OTOG: variants seen among roughly 807,000 people sequenced by gnomAD.
OTOG encodes the protein otogelin.
Under a neutral mutation model 313.8 loss-of-function variants are expected in OTOG, and 296 were observed. The ratio of observed to expected loss-of-function variants is 0.94; its 90% CI spans 0.86 to 1.04. The LOEUF is 1.04. OTOG is among the 50% of genes least tolerant of loss of function. The probability of loss-of-function intolerance (pLI) is 0.00; values close to 1 mark genes in which losing one functional copy is unlikely to be tolerated. For missense variants in OTOG, 3,948 were observed against 3,840.1 expected (o/e 1.03, Z -0.74); for synonymous variants, 1,533 against 1,554.9 (o/e 0.99, Z 0.33).
At chr11:17,557,391 G>A in intron 8 of OTOG, 68 bp downstream of exon 8, 2 of 1,442,170 alleles carry the variant, frequency 1.4e-6, no homozygotes, top group Middle Eastern at 1.8e-4. Flanking sequence ...GCTGGGAGGG[G>A]TTGGAGGGGA....
chr11:17,629,372 C>T lies in OTOG; in HGVS notation c.6712+56C>T. ...ATGCTTCCCAGGTCCACCTCTGCCCCCACACATAATTCCTCCTGGAGCAGG... is the reference window on the plus strand; with the variant it reads ...ATGCTTCCCAGGTCCACCTCTGCCCTCACACATAATTCCTCCTGGAGCAGG... On this transcript the variant is annotated intron_variant, in intron 40 of 55. Coordinates refer to ENST00000399397, the MANE Select transcript of OTOG (RefSeq NM_001292063.2). The T allele has an allele frequency of 4.1e-6, 6 of 1,481,110 alleles. No individual in the cohort carries two copies. In the South Asian group the frequency reaches 5.2e-5, roughly 13 times the overall value. 91.7% of individuals were successfully genotyped at this position (1,481,110 alleles called of 1,614,324 possible). A position where few individuals can be genotyped will look rare whatever the true frequency, so the allele number is the denominator to read the frequency against.
rs1847957810 is a variant in OTOG, at chr11:17,640,984, G to A, written c.8083G>A (p.Ala2695Thr). 4.5e-6 allele frequency: 7 copies of A among 1,548,586 alleles called. No homozygotes were observed. Among genetic ancestry groups the A allele is most frequent in the Non-Finnish European group, 6.1e-6 (7 of 1,146,988 alleles). Residue 2695 changes from alanine (A) to threonine (T), a missense_variant, in exon 51 of 56, where the codon GCA becomes ACA. Transcript: ENST00000399397. ...CGGCCAGACAGTGGTGGAGCTCTCA[G>A]CAGATGGCGTGTGCCACACCTCCCG... is the stretch of plus-strand genomic sequence containing the variant. ...QPGQTVVELSADGVCHTSRCT... is the reference protein window; with the variant it reads ...QPGQTVVELSTDGVCHTSRCT...
At chr11:17,629,512 C>G (rs1175616957) in intron 40 of OTOG, among the ~76,000 whole-genome samples, 196 bp downstream of exon 40, 1 of 152,212 alleles carries the variant, frequency 6.6e-6, no homozygotes, top group African/African-American at 2.4e-5. Flanking sequence ...TAGTAGAGGG[C>G]TCTGGACTCA....
chr11:17,593,716 A>G lies in OTOG; in HGVS notation c.3248A>G (p.Gln1083Arg). ...GAGCACATCACCCTCTTGTGGGACC[A>G]GAGAACCACAGTGCACGTCCAGGCT... ...PQEHITLLWD[Q>R]RTTVHVQAGP... Residue 1083 changes from glutamine to arginine, a missense_variant, in exon 27 of 56, where the codon CAG becomes CGG. Coordinates refer to ENST00000399397, the MANE Select transcript of OTOG (RefSeq NM_001292063.2). 1 of 1,548,816 alleles carries G rather than the reference A, an allele frequency of 6.5e-7. No homozygotes were observed. Among genetic ancestry groups the G allele is most frequent in the Non-Finnish European group, 8.7e-7 (1 of 1,146,970 alleles).
chr11:17,573,697 C>T lies in OTOG; in HGVS notation c.2293+407C>T, dbSNP rs142706903. ...TCAATATCATGAGCCAGCCCCTACC[C>T]GTCCCTACCCTGACCCTGGGCTATG... On this transcript the variant is annotated intron_variant, in intron 19 of 55. Transcript: ENST00000399397. Among the ~76,000 whole-genome samples, 293 of 152,362 alleles carry T rather than the reference C, an allele frequency of 1.9e-3. 2 individuals are homozygous for T. The highest frequency in any genetic ancestry group is 6.7e-3 in the African/African-American group (280 of 41,576).
chr11:17,600,019 C>G (rs138658085), intron 31 of OTOG, among the ~76,000 whole-genome samples: 5 of 152,366 alleles, frequency 3.3e-5, no homozygotes, highest in East Asian at 1.9e-4. Context: ...CCTTCATAAT[C>G]TAGCTCATCA....
At chr11:17,561,543 C>T in intron 14 of OTOG, 119 bp from the exon 15 acceptor site, 2 of 1,103,928 alleles carry the variant, frequency 1.8e-6, no homozygotes, top group Non-Finnish European at 2.6e-6. Flanking sequence ...AGGCCTCATT[C>T]CTTATACTGC....
intron 23 of OTOG, among the ~76,000 whole-genome samples, chr11:17,585,998 T>C (rs1218625466): frequency 6.6e-6 from 1 of 152,220 alleles, no homozygotes; most frequent in Non-Finnish European, 1.5e-5. Context: ...AGATCTTTAA[T>C]AAGTGCCCTG....
intron 37 of OTOG, 144 bp from the exon 38 acceptor site, chr11:17,612,476 T>C: frequency 7.2e-7 from 1 of 1,384,488 alleles, no homozygotes. Flanking sequence ...CTCTGATCTG[T>C]GTGATGCGTG....
chr11:17,581,523 G>C (rs920441761), intron 23 of OTOG, among the ~76,000 whole-genome samples: 1 of 152,144 alleles, frequency 6.6e-6, no homozygotes, highest in African/African-American at 2.4e-5. Context: ...CTGACATCTT[G>C]GGAGTTTCTC....
At chr11:17,642,296 C>T in intron 53 of OTOG, 50 bp downstream of exon 53, 1 of 1,512,304 alleles carries the variant, frequency 6.6e-7, no homozygotes, top group Non-Finnish European at 8.9e-7. Flanking sequence ...CATCAGCTGT[C>T]TCACTGGTGG....
chr11:17,632,733 T>G (rs1854160899), intron 42 of OTOG, among the ~76,000 whole-genome samples: 1 of 152,050 alleles, frequency 6.6e-6, no homozygotes, highest in African/African-American at 2.4e-5. Context: ...CCTCCCCCAA[T>G]TAGGTTTGAC....
chr11:17,559,235 CTT>C (rs2134007417), intron 11 of OTOG, 74 bp downstream of exon 11: 1 of 1,144,334 alleles, frequency 8.7e-7, no homozygotes, highest in East Asian at 2.6e-5. Context: ...AGCTCAATGT[CTT>C]GTCCTGCTCA....
intron 1 of OTOG, 151 bp downstream of exon 1, chr11:17,547,617 G>C: frequency 8.0e-7 from 1 of 1,254,862 alleles, no homozygotes; most frequent in Non-Finnish European, 1.0e-6. Flanking sequence ...GTCAGGGGAG[G>C]AGGGACCCCG....
At chr11:17,551,946 G>C in intron 3 of OTOG, 54 bp from the exon 4 acceptor site, 1 of 1,505,246 alleles carries the variant, frequency 6.6e-7, no homozygotes, top group South Asian at 1.2e-5. Context: ...GCCTGCCTGG[G>C]AACCCGTCCT....
At chr11:17,583,830 T>C (rs541771286) in intron 23 of OTOG, among the ~76,000 whole-genome samples, 2 of 152,268 alleles carry the variant, frequency 1.3e-5, no homozygotes, top group East Asian at 1.9e-4. Flanking sequence ...GATCAGCTTA[T>C]CAATTTCTAC....
intron 40 of OTOG, among the ~76,000 whole-genome samples, chr11:17,631,386 G>T (rs959818698): frequency 2.2e-5 from 3 of 137,516 alleles, no homozygotes; most frequent in Non-Finnish European, 4.7e-5. Flanking sequence ...CTCTGTGTGT[G>T]TGTGGGGGGG....
chr11:17,574,157 AC>A (rs1473373518), intron 19 of OTOG, among the ~76,000 whole-genome samples: 6 of 152,182 alleles, frequency 3.9e-5, no homozygotes, highest in African/African-American at 1.4e-4. Flanking sequence ...ACTGGATCCC[AC>A]AGAGTGTAGG....
rs1425968222 is a variant in OTOG at position 17,609,776 on chromosome 11, C to T, written c.4476C>T (p.Thr1492=). The T allele has an allele frequency of 6.5e-7, 1 of 1,548,936 alleles. No homozygotes were observed. Among genetic ancestry groups the T allele is most frequent in the Admixed American group, 2.0e-5 (1 of 50,794 alleles). Residue 1492 remains threonine (T), a synonymous_variant, in exon 36 of 56, where the codon ACC becomes ACT. Coordinates refer to ENST00000399397, the MANE Select transcript of OTOG (RefSeq NM_001292063.2). ...AGCTGTCACAGGAAAGCCCCAGGAC[C>T]CCCACCCACAGGCCAGCCCTCACCC... ...EPQLSQESPR[T]PTHRPALTPA... is the part of the protein sequence containing the mutation.
Sources: gnomAD v4.1 joint callset for allele counts (sites outside exome capture counted in the v4.1 genomes callset) on GRCh38, gnomAD v4.1.1 for gene constraint, MANE v1.5 for transcripts, NCBI Gene and HGNC (gene_info 2026-07-23, HGNC 2026-07-21) for gene names.